The following ERC2 variants were observed in gnomAD, a reference collection of about 807,000 sequenced individuals.
ERC2 encodes the protein ELKS/RAB6-interacting/CAST family member 2.
ERC2 carries 42 observed loss-of-function variants against 114.8 expected under a neutral mutation model. The observed-to-expected ratio is 0.37, with a 90% CI of 0.29 to 0.47. The LOEUF (loss-of-function observed/expected upper bound fraction) is 0.47. Ranked by LOEUF, ERC2 falls within the 20% of genes least tolerant of loss-of-function variation. The probability of loss-of-function intolerance (pLI) is 0.99; values close to 1 mark genes in which losing one functional copy is unlikely to be tolerated. For missense variants in ERC2, 939 were observed against 1,150.7 expected (o/e 0.82, Z 2.66); for synonymous variants, 454 against 425.5 (o/e 1.07, Z -0.82).
At chr3:55,593,289 T>C (rs2057984991) in intron 17 of ERC2, among the ~76,000 whole-genome samples, 1 of 152,088 alleles carries the variant, frequency 6.6e-6, no homozygotes, top group Admixed American at 6.6e-5. Flanking sequence ...GGGATGAACA[T>C]GGAGATGGAG....
At chr3:55,723,249 C>A (rs1173013386) in intron 15 of ERC2, among the ~76,000 whole-genome samples, 1 of 152,042 alleles carries the variant, frequency 6.6e-6, no homozygotes, top group South Asian at 2.1e-4. Flanking sequence ...TATATGTAGA[C>A]AATGGAATGT....
At chr3:55,512,086 C>T (rs1215393577) in intron 17 of ERC2, among the ~76,000 whole-genome samples, 1 of 152,224 alleles carries the variant, frequency 6.6e-6, no homozygotes, top group Non-Finnish European at 1.5e-5. Context: ...TACACACACA[C>T]ACTCGTGTAC....
chr3:56,166,212 C>T (rs2082318395), intron 4 of ERC2, among the ~76,000 whole-genome samples: 1 of 151,942 alleles, frequency 6.6e-6, no homozygotes, highest in African/African-American at 2.4e-5. Flanking sequence ...AATATCAGTC[C>T]AACTTTGCAT....
At chr3:56,072,445 A>G (rs998822560) in intron 7 of ERC2, 8 of 152,208 alleles carry the variant, frequency 5.3e-5, no homozygotes, top group Non-Finnish European at 1.2e-4. Flanking sequence ...CTTTCTGTGT[A>G]ATATATTAAG....
At chr3:56,334,965 C>T (rs915827432) in intron 2 of ERC2, among the ~76,000 whole-genome samples, 1 of 152,160 alleles carries the variant, frequency 6.6e-6, no homozygotes, top group South Asian at 2.1e-4. Context: ...CCACCATGCC[C>T]AGCTAATTTT....
intron 16 of ERC2, among the ~76,000 whole-genome samples, chr3:55,684,516 C>T (rs2062228359): frequency 1.3e-5 from 2 of 152,174 alleles, no homozygotes; most frequent in African/African-American, 4.8e-5. Context: ...AATGATTATA[C>T]ATTTGCAATC....
chr3:55,669,738 T>C (rs570730460), intron 17 of ERC2, among the ~76,000 whole-genome samples: 38 of 152,358 alleles, frequency 2.5e-4, no homozygotes, highest in Admixed American at 1.3e-3. Flanking sequence ...TCGAGAGCTA[T>C]ATCCAACCCA....
At chr3:55,964,054 G>A (rs765062030) in intron 12 of ERC2, among the ~76,000 whole-genome samples, 3 of 152,200 alleles carry the variant, frequency 2.0e-5, no homozygotes, top group African/African-American at 7.2e-5. Flanking sequence ...ATGTGTTGGC[G>A]TTTATATTAT....
chr3:56,387,830 A>C (rs549726234), intron 2 of ERC2, among the ~76,000 whole-genome samples: 18 of 152,318 alleles, frequency 1.2e-4, no homozygotes, highest in African/African-American at 3.8e-4. Context: ...GAGACAGAGC[A>C]AGTCCCCCTT....
At chr3:55,871,623 T>C (rs2062587587) in intron 14 of ERC2, among the ~76,000 whole-genome samples, 1 of 152,174 alleles carries the variant, frequency 6.6e-6, no homozygotes, top group South Asian at 2.1e-4. Context: ...TATGCAGAAA[T>C]GTCAATAATC....
intron 4 of ERC2, among the ~76,000 whole-genome samples, chr3:56,158,256 T>C (rs925920869): frequency 4.6e-5 from 7 of 152,002 alleles, no homozygotes; most frequent in African/African-American, 9.7e-5. Flanking sequence ...AAATGCCCAA[T>C]AGCCAGAAAG....
intron 14 of ERC2, among the ~76,000 whole-genome samples, chr3:55,784,058 T>G (rs143797745): frequency 3.2e-3 from 487 of 152,350 alleles, no homozygotes; most frequent in African/African-American, 0.011. Flanking sequence ...CTTGTTATAG[T>G]AGATGAAATT....
At chr3:55,998,118 C>T (rs2071740501) in intron 10 of ERC2, among the ~76,000 whole-genome samples, 1 of 151,110 alleles carries the variant, frequency 6.6e-6, no homozygotes, top group African/African-American at 2.4e-5. Context: ...AAGCTAACTG[C>T]ATTCAGAATA....
chr3:55,826,031 GAGGAAGGA>G (rs2060313300), intron 14 of ERC2, among the ~76,000 whole-genome samples: 1 of 151,240 alleles, frequency 6.6e-6, no homozygotes, highest in South Asian at 2.1e-4. Flanking sequence ...AGGAGGAAGA[GAGGAAGGA>G]AGGGAGGAAG....
chr3:55,994,501 A>C (rs1266219544), intron 10 of ERC2, among the ~76,000 whole-genome samples: 9 of 152,090 alleles, frequency 5.9e-5, no homozygotes, highest in Admixed American at 5.9e-4. Context: ...GAAAACTACA[A>C]AATGACAAAC....
At chr3:55,847,182 A>T (rs1356020138) in intron 14 of ERC2, among the ~76,000 whole-genome samples, 1 of 152,226 alleles carries the variant, frequency 6.6e-6, no homozygotes, top group African/African-American at 2.4e-5. Context: ...AAATGAGGCA[A>T]TTCACAAAGG....
rs1575548571 is a variant in ERC2, at chr3:55,549,230, A to T, written c.*40-37954T>A. ...CTTTCTATGAAATGGTGTTTGCAAT[A>T]CCTGTCCTATGGTTCCACCAGTAGC... is the stretch of plus-strand genomic sequence containing the variant. On this transcript the variant is annotated intron_variant, in intron 17 of 17. Coordinates refer to ENST00000288221, the MANE Select transcript of ERC2 (RefSeq NM_015576.3). Among the ~76,000 whole-genome samples the T allele has an allele frequency of 2.0e-5, 3 of 152,170 alleles. 1 individual carries two copies. In the South Asian group the frequency reaches 6.2e-4, roughly 32 times the overall value.
At chr3:55,537,985 G>T (rs2054112054) in intron 17 of ERC2, among the ~76,000 whole-genome samples, 1 of 152,148 alleles carries the variant, frequency 6.6e-6, no homozygotes, top group Non-Finnish European at 1.5e-5. Context: ...TAGGTGTGTG[G>T]GAGGCGGTGG....
intron 2 of ERC2, among the ~76,000 whole-genome samples, chr3:56,355,461 G>A (rs1023966316): frequency 1.3e-5 from 2 of 151,962 alleles, no homozygotes; most frequent in African/African-American, 4.8e-5. Flanking sequence ...TGAGACCACA[G>A]GCATGCACAT....
Sources: gnomAD v4.1 joint callset for allele counts (sites outside exome capture counted in the v4.1 genomes callset) on GRCh38, gnomAD v4.1.1 for gene constraint, MANE v1.5 for transcripts, NCBI Gene and HGNC (gene_info 2026-07-23, HGNC 2026-07-21) for gene names.